C6orf118: variants seen among roughly 807,000 people sequenced by gnomAD.
C6orf118 encodes the protein uncharacterized protein C6orf118.
Under a neutral mutation model 50.2 loss-of-function variants are expected in C6orf118, and 50 were observed. That is an observed-to-expected ratio of 1.00 (90% CI 0.79 to 1.26). The LOEUF (loss-of-function observed/expected upper bound fraction) is 1.26. C6orf118 is among the 50% of genes most tolerant of loss of function. The pLI, the probability that C6orf118 is intolerant of heterozygous loss-of-function variation, is 0.00. For missense variants in C6orf118, 641 were observed against 578.7 expected (o/e 1.11, Z -1.10); for synonymous variants, 239 against 230.9 (o/e 1.03, Z -0.32).
intron 7 of C6orf118, among the ~76,000 whole-genome samples, chr6:165,282,647 C>CTTCT (rs1779767055): frequency 7.1e-6 from 1 of 141,144 alleles, no homozygotes; most frequent in Non-Finnish European, 1.5e-5. Flanking sequence ...ACATTCAGCT[C>CTTCT]TTTTTTTTTT....
chr6:165,283,884 A>G (rs999792330), intron 7 of C6orf118, among the ~76,000 whole-genome samples: 2 of 152,246 alleles, frequency 1.3e-5, no homozygotes, highest in African/African-American at 2.4e-5. Context: ...TTAATGCAAA[A>G]TAACTGAAAA....
rs368636630 is a variant in C6orf118 at position 165,280,027 on chromosome 6, C to A, written c.*30G>T. 3.0e-5 allele frequency: 47 copies of A among 1,590,042 alleles called. No homozygotes were observed. Among genetic ancestry groups the A allele is most frequent in the Non-Finnish European group, 3.9e-5 (46 of 1,173,326 alleles). On this transcript the variant is annotated 3_prime_UTR_variant, in exon 9 of 9. Coordinates refer to ENST00000230301, the MANE Select transcript of C6orf118 (RefSeq NM_144980.4). ...CTACATACATGGAAGTTAAGAATTT[C>A]CACTGGCCATTTGTTCAGCCACTTG...
chr6:165,309,122 A>G (rs1780848609), intron 1 of C6orf118, among the ~76,000 whole-genome samples: 1 of 152,228 alleles, frequency 6.6e-6, no homozygotes, highest in South Asian at 2.1e-4. Flanking sequence ...TGACTTGATG[A>G]ATGTGGACGC....
chr6:165,289,931 A>G lies in C6orf118; in HGVS notation c.1257T>C (p.His419=). The G allele has an allele frequency of 6.2e-7, 1 of 1,609,966 alleles. No individual in the cohort carries two copies. Among genetic ancestry groups the G allele is most frequent in the Non-Finnish European group, 8.5e-7 (1 of 1,178,266 alleles). ...TCTCAGTGATATCTGAAATTCCAGT[A>G]TGAACCAAAGTTGTTTTAATTTCTT... The part of the protein sequence containing the change: ...LEKEIKTTLV[H]TGISDITENR... Residue 419 remains histidine (H), a synonymous_variant, in exon 7 of 9, where the codon CAT becomes CAC. Transcript: ENST00000230301.
intron 8 of C6orf118, 58 bp from the exon 9 acceptor site, chr6:165,280,168 A>G: frequency 8.0e-7 from 1 of 1,252,664 alleles, no homozygotes; most frequent in Non-Finnish European, 1.1e-6. Flanking sequence ...TAAGCATGAA[A>G]TAAAATTTCA....
chr6:165,290,422 C>T (rs1194689378), intron 6 of C6orf118, among the ~76,000 whole-genome samples: 1 of 151,898 alleles, frequency 6.6e-6, no homozygotes, highest in African/African-American at 2.4e-5. Context: ...AACGGTAAGA[C>T]AAAGCAAGAA....
rs779757461 is a variant in C6orf118, at chr6:165,301,605, G to A, written c.717C>T (p.Ser239=). Reference sequence around the variant, plus strand: ...TTCTCTCGTGGCCCGCGGCCGCCTTGCTCCCAGTGAAGTCATTCTTCAGGA... The same window carrying A: ...TTCTCTCGTGGCCCGCGGCCGCCTTACTCCCAGTGAAGTCATTCTTCAGGA... ...QDLLKNDFTG[S]KAAAGHERKL... is the part of the protein sequence containing the mutation. Residue 239 remains serine, a synonymous_variant, in exon 2 of 9, where the codon AGC becomes AGT. Transcript: ENST00000230301. 1 of 1,613,880 alleles carries A rather than the reference G, an allele frequency of 6.2e-7. No individual in the cohort carries two copies.
rs769452732 is a variant in C6orf118, at chr6:165,302,029, G to C, written c.293C>G (p.Pro98Arg). 1 of 1,613,552 alleles carries C rather than the reference G, an allele frequency of 6.2e-7. No individual in the cohort carries two copies. The highest frequency in any genetic ancestry group is 1.1e-5 in the South Asian group (1 of 91,072). Residue 98 changes from proline to arginine, a missense_variant, in exon 2 of 9, where the codon CCC (proline) becomes CGC (arginine). By Grantham distance (103) the Pro-to-Arg change is moderately radical. Transcript: ENST00000230301. ...GERASEVGEP[P>R]AGKVARMKEA... ...CTTCATCCTCGCCACCTTCCCTGCG[G>C]GCGGCTCTCCCACCTCAGAGGCGCG...
chr6:165,300,466 C>T lies in C6orf118; in HGVS notation c.774G>A (p.Thr258=), dbSNP rs376983039. Residue 258 remains threonine (T), a synonymous_variant, in exon 3 of 9, where the codon ACG becomes ACA. Coordinates refer to ENST00000230301, the MANE Select transcript of C6orf118 (RefSeq NM_144980.4). The part of the protein sequence containing the change: ...KLQQELQKIC[T]CSPQQFNRLH... ...GTCTGTTGAACTGCTGGGGGCTGCA[C>T]GTGCAAATTTTCTGGAGCTCCTGGA... The T allele has an allele frequency of 6.8e-6, 11 of 1,611,972 alleles. No homozygotes were observed. Among genetic ancestry groups the T allele is most frequent in the African/African-American group, 1.3e-5 (1 of 74,780 alleles).
At chr6:165,287,656 C>A (rs974426228) in intron 7 of C6orf118, among the ~76,000 whole-genome samples, 2 of 152,144 alleles carry the variant, frequency 1.3e-5, no homozygotes, top group Non-Finnish European at 2.9e-5. Flanking sequence ...TGATCTTTGA[C>A]AAACCTGACA....
chr6:165,294,262 A>AC (rs370604280), intron 5 of C6orf118, among the ~76,000 whole-genome samples: 1 of 144,526 alleles, frequency 6.9e-6, no homozygotes, highest in African/African-American at 2.9e-5. Context: ...AGCAAAAAAA[A>AC]AAAAACAAAA....
intron 8 of C6orf118, 30 bp from the exon 9 acceptor site, chr6:165,280,140 G>A: frequency 6.8e-7 from 1 of 1,460,918 alleles, no homozygotes; most frequent in South Asian, 1.2e-5. Flanking sequence ...GAATACCATA[G>A]GTTAGAAAAA....
At chr6:165,300,296 G>A in intron 3 of C6orf118, 68 bp downstream of exon 3, 1 of 1,577,300 alleles carries the variant, frequency 6.3e-7, no homozygotes, top group Admixed American at 1.7e-5. Flanking sequence ...TGCGGCTTGA[G>A]ATCATTCTTG....
Position 165,299,434 on chromosome 6 carries a change from G to T in C6orf118, c.936+9C>A. ...GGCTCTATTCAGGCTCTTTGTGATC[G>T]ATCGTCACCTCGTACTGTGCTGCAG... On this transcript the variant is annotated intron_variant, in intron 4 of 8. Transcript: ENST00000230301. 6.2e-7 allele frequency: 1 copy of T among 1,613,278 alleles called. No individual in the cohort carries two copies. Among genetic ancestry groups the T allele is most frequent in the South Asian group, 1.1e-5 (1 of 91,026 alleles).
At position 165,303,243 on chromosome 6, in the gene C6orf118, C is replaced by T. The variant is rs992239404; in HGVS notation, c.26-947G>A. On this transcript the variant is annotated intron_variant, in intron 1 of 8. Transcript: ENST00000230301. ...CAGCAGAGGGATGCTAGAGAATCGC[C>T]GCTGTTGATCAGCTTAGTCCTTCAG... Among the ~76,000 whole-genome samples the T allele has an allele frequency of 5.3e-5, 8 of 152,284 alleles. No individual in the cohort carries two copies. In the South Asian group the frequency reaches 6.2e-4, roughly 12 times the overall value.
intron 2 of C6orf118, among the ~76,000 whole-genome samples, chr6:165,300,694 A>T (rs551782274): frequency 8.3e-4 from 126 of 151,768 alleles, no homozygotes; most frequent in Middle Eastern, 3.4e-3. Flanking sequence ...GGATTTTTTT[A>T]AAAAAATCTT....
intron 6 of C6orf118, 92 bp downstream of exon 6, chr6:165,293,321 A>C: frequency 8.7e-7 from 1 of 1,150,272 alleles, no homozygotes; most frequent in Non-Finnish European, 1.3e-6. Context: ...AGCATCTTCC[A>C]AGTTGACAGA....
chr6:165,301,782 G>T lies in C6orf118; in HGVS notation c.540C>A (p.Pro180=). The T allele has an allele frequency of 6.2e-7, 1 of 1,613,972 alleles. No homozygotes were observed. Among genetic ancestry groups the T allele is most frequent in the Non-Finnish European group, 8.5e-7 (1 of 1,179,992 alleles). ...GWRRREELRL[P]DLKVLCYQEA... ...CCTGGTAGCACAGCACCTTCAAGTC[G>T]GGCAGCCGGAGTTCTTCCCTCCTGC... Residue 180 remains proline, a synonymous_variant, in exon 2 of 9, where the codon CCC becomes CCA. Transcript: ENST00000230301.
chr6:165,302,273 C>T lies in C6orf118; in HGVS notation c.49G>A (p.Glu17Lys), dbSNP rs1375252947. The T allele has an allele frequency of 2.0e-5, 33 of 1,613,396 alleles. No individual in the cohort carries two copies. Among genetic ancestry groups the T allele is most frequent in the East Asian group, 2.0e-4 (9 of 44,886 alleles). Residue 17 changes from glutamate to lysine, a missense_variant, in exon 2 of 9, where the codon GAG becomes AAG. Glu to Lys is a moderately conservative substitution (Grantham distance 56, BLOSUM62 1). Transcript: ENST00000230301. ...PELYLKWKHC[E>K]TPGVKTLCNL... is the part of the protein sequence containing the mutation. ...CACAGGGTCTTCACGCCTGGCGTCT[C>T]GCAGTGCTTCCACTTCAGGTACACT...
Sources: allele counts gnomAD v4.1 joint callset (sites outside exome capture counted in the v4.1 genomes callset), GRCh38; gene constraint gnomAD v4.1.1; transcripts MANE v1.5; gene names NCBI Gene and HGNC (gene_info 2026-07-23, HGNC 2026-07-21).